ROBO1: variants seen among roughly 807,000 people sequenced by gnomAD.
ROBO1 encodes the protein roundabout homolog 1.
In ROBO1, 149 loss-of-function variants were observed where a neutral mutation model predicts 195.9. That is an observed-to-expected ratio of 0.76 (90% CI 0.67 to 0.87). The LOEUF is 0.87. Ranked by LOEUF, ROBO1 falls within the 40% of genes least tolerant of loss-of-function variation. The pLI, the probability that ROBO1 is intolerant of heterozygous loss-of-function variation, is 0.00. For synonymous variants in ROBO1, 816 were observed against 733.2 expected, an observed-to-expected ratio of 1.11 and a Z score of -1.82; for missense variants, 1,933 against 2,068.3, an observed-to-expected ratio of 0.93 and a Z score of 1.27.
intron 9 of ROBO1, among the ~76,000 whole-genome samples, chr3:78,688,214 A>G (rs190978841): frequency 1.3e-5 from 2 of 152,356 alleles, no homozygotes; most frequent in Admixed American, 6.5e-5. Flanking sequence ...AGAATTTCAT[A>G]TAGCTTAATG....
At chr3:79,493,062 G>A (rs1342991822) in intron 2 of ROBO1, among the ~76,000 whole-genome samples, 1 of 151,632 alleles carries the variant, frequency 6.6e-6, no homozygotes, top group South Asian at 2.1e-4. Context: ...AAAATATATT[G>A]GAAAACAAAA....
chr3:79,583,161 T>C (rs1000723482), intron 2 of ROBO1, among the ~76,000 whole-genome samples: 3 of 152,038 alleles, frequency 2.0e-5, no homozygotes, highest in Admixed American at 2.0e-4. Context: ...TAATATGGTG[T>C]TCCTATTCTG....
At chr3:79,251,069 A>G (rs1042554086) in intron 2 of ROBO1, among the ~76,000 whole-genome samples, 2 of 152,164 alleles carry the variant, frequency 1.3e-5, no homozygotes, top group Non-Finnish European at 2.9e-5. Context: ...AACAACAACA[A>G]CAAAAAAGGA....
Position 78,987,369 on chromosome 3 carries a change from T to A in ROBO1, c.173-48442A>T, listed in dbSNP as rs142292158. Among the ~76,000 whole-genome samples, 809 of 151,628 alleles carry A rather than the reference T, an allele frequency of 5.3e-3. 6 individuals carry two copies. The highest frequency in any genetic ancestry group is 0.019 in the African/African-American group (765 of 41,326). On this transcript the variant is annotated intron_variant, in intron 3 of 30. Coordinates refer to ENST00000464233, the MANE Select transcript of ROBO1 (RefSeq NM_002941.4). ...CACAACACACACGCAACAGATGGGG[T>A]TTGGGGCAGGGAGACTCTTAAGCCT...
At chr3:79,729,972 C>T (rs1002162948) in intron 1 of ROBO1, among the ~76,000 whole-genome samples, 3 of 152,166 alleles carry the variant, frequency 2.0e-5, no homozygotes, top group Non-Finnish European at 4.4e-5. Flanking sequence ...AACCATTGTC[C>T]TTTACATAAT....
intron 1 of ROBO1, among the ~76,000 whole-genome samples, chr3:79,650,601 T>C (rs762968891): frequency 6.6e-6 from 1 of 151,476 alleles, no homozygotes; most frequent in Admixed American, 6.6e-5. Context: ...AGAAAAAATA[T>C]AGAAAAAAAA....
chr3:79,177,684 A>G (rs1256410959), intron 2 of ROBO1, among the ~76,000 whole-genome samples: 1 of 152,244 alleles, frequency 6.6e-6, no homozygotes, highest in Non-Finnish European at 1.5e-5. Flanking sequence ...TAAATTGAAC[A>G]TGGCATAAGA....
chr3:79,618,741 C>T (rs1004507657), intron 1 of ROBO1, among the ~76,000 whole-genome samples: 3 of 152,142 alleles, frequency 2.0e-5, no homozygotes, highest in South Asian at 2.1e-4. Context: ...GTGCCTCACT[C>T]CATGAGGAGA....
rs186367063 is a variant in ROBO1, at chr3:78,962,885, A to G, written c.173-23958T>C. On this transcript the variant is annotated intron_variant, in intron 3 of 30. Coordinates refer to ENST00000464233, the MANE Select transcript of ROBO1 (RefSeq NM_002941.4). The stretch of plus-strand genomic sequence containing the variant: ...TTACTGTTCTCCTGATGCTGGACTC[A>G]GTACAAGACGAGTGAAGTAACACCT... 5.9e-5 allele frequency among the ~76,000 whole-genome samples: 9 copies of G among 151,376 alleles called. No individual in the cohort carries two copies. In the East Asian group the frequency reaches 1.2e-3, roughly 20 times the overall value.
intron 1 of ROBO1, among the ~76,000 whole-genome samples, chr3:79,605,587 G>C (rs1056211077): frequency 1.3e-5 from 2 of 151,818 alleles, no homozygotes; most frequent in African/African-American, 4.8e-5. Context: ...CTAGATTCCT[G>C]AGAACCAGCT....
At chr3:79,025,640 T>C (rs1369159410) in intron 3 of ROBO1, among the ~76,000 whole-genome samples, 7 of 7,160 alleles carry the variant, frequency 9.8e-4, no homozygotes, top group African/African-American at 2.2e-3. Context: ...TCTACTTCAA[T>C]AGAGAACTAA....
intron 4 of ROBO1, among the ~76,000 whole-genome samples, chr3:78,934,398 AT>A (rs2039688265): frequency 6.6e-6 from 1 of 151,996 alleles, no homozygotes; most frequent in Non-Finnish European, 1.5e-5. Context: ...AATAAGATAT[AT>A]AAAAATGTTT....
chr3:79,674,796 G>A (rs1457416807), intron 1 of ROBO1, among the ~76,000 whole-genome samples: 8 of 150,788 alleles, frequency 5.3e-5, no homozygotes, highest in African/African-American at 1.9e-4. Context: ...ACCTAACTTT[G>A]TATCTGGTAA....
intron 1 of ROBO1, among the ~76,000 whole-genome samples, chr3:79,644,565 G>A (rs909978551): frequency 1.3e-5 from 2 of 152,100 alleles, no homozygotes; most frequent in African/African-American, 4.8e-5. Context: ...CAGATCTCAT[G>A]AGACTTATTT....
chr3:79,685,444 A>T (rs1947074735), intron 1 of ROBO1, among the ~76,000 whole-genome samples: 3 of 152,162 alleles, frequency 2.0e-5, no homozygotes, highest in Admixed American at 1.3e-4. Context: ...TTTTGCTTTT[A>T]AGTGTTTTGT....
In ROBO1 at chr3:79,649,741, A is replaced by G. The variant is rs943245610; in HGVS notation, c.-50-59780T>C. 3.9e-5 allele frequency among the ~76,000 whole-genome samples: 6 copies of G among 152,084 alleles called. 1 individual carries two copies. The highest frequency in any genetic ancestry group is 2.6e-4 in the Admixed American group (4 of 15,238). On this transcript the variant is annotated intron_variant, in intron 1 of 30. Coordinates refer to ENST00000464233, the MANE Select transcript of ROBO1 (RefSeq NM_002941.4). ...AGGAAATTAGCCTATGAGTCTGACT[A>G]GACTAGGCGGGAATAATCTACCCTT...
intron 4 of ROBO1, among the ~76,000 whole-genome samples, chr3:78,920,305 TTTTTTTTTC>T (rs1450515717): frequency 6.6e-6 from 1 of 150,520 alleles, no homozygotes. Flanking sequence ...CATGGACAAT[TTTTTTTTTC>T]TTTTTTTTGA....
chr3:79,361,762 T>C (rs894057305), intron 2 of ROBO1, among the ~76,000 whole-genome samples: 25 of 152,152 alleles, frequency 1.6e-4, no homozygotes, highest in African/African-American at 5.5e-4. Flanking sequence ...CTTACAAGTG[T>C]GATTATTTTC....
intron 3 of ROBO1, among the ~76,000 whole-genome samples, chr3:79,012,619 T>C (rs1256742029): frequency 6.6e-6 from 1 of 152,186 alleles, no homozygotes; most frequent in Non-Finnish European, 1.5e-5. Flanking sequence ...AAATATTATT[T>C]TATGTGTGGA....
Sources: allele counts gnomAD v4.1 joint callset (sites outside exome capture counted in the v4.1 genomes callset), GRCh38; gene constraint gnomAD v4.1.1; transcripts MANE v1.5; gene names NCBI Gene and HGNC (gene_info 2026-07-23, HGNC 2026-07-21).